COP1: variants seen among roughly 807,000 people sequenced by gnomAD.
COP1 encodes E3 ubiquitin-protein ligase COP1.
A neutral mutation model predicts 101.3 loss-of-function variants in COP1; 24 were observed. That is an observed-to-expected ratio of 0.24 (90% CI 0.17 to 0.33). COP1 has a LOEUF of 0.33. COP1 is among the 10% of genes least tolerant of loss of function. The probability of loss-of-function intolerance (pLI) is 1.00; values close to 1 mark genes in which losing one functional copy is unlikely to be tolerated. For missense variants in COP1, 663 were observed against 906.2 expected, an observed-to-expected ratio of 0.73 and a Z score of 3.45; for synonymous variants, 347 against 341.9, an observed-to-expected ratio of 1.01 and a Z score of -0.17.
chr1:175,983,471 C>T (rs572141652), intron 18 of COP1, among the ~76,000 whole-genome samples: 6 of 152,294 alleles, frequency 3.9e-5, no homozygotes, highest in South Asian at 4.2e-4. Flanking sequence ...TGTGGAACTG[C>T]GAGTCCAATA....
intron 1 of COP1, among the ~76,000 whole-genome samples, chr1:176,198,404 A>G (rs967554746): frequency 6.6e-6 from 1 of 152,184 alleles, no homozygotes; most frequent in Non-Finnish European, 1.5e-5. Context: ...TCAACAAATG[A>G]TGTTATAATA....
chr1:176,008,585 A>T (rs910418841), intron 15 of COP1, among the ~76,000 whole-genome samples: 1 of 152,232 alleles, frequency 6.6e-6, no homozygotes. Flanking sequence ...CAAATATATA[A>T]GCCCTATAGC....
intron 8 of COP1, among the ~76,000 whole-genome samples, chr1:176,121,402 A>G (rs542970993): frequency 1.2e-4 from 19 of 152,322 alleles, no homozygotes; most frequent in Non-Finnish European, 2.2e-4. Flanking sequence ...GTAGTCAAAT[A>G]TATCACCCAA....
intron 11 of COP1, among the ~76,000 whole-genome samples, chr1:176,046,565 C>T (rs1217858695): frequency 1.3e-5 from 2 of 151,768 alleles, no homozygotes; most frequent in East Asian, 3.8e-4. Context: ...ACTTTTGTTC[C>T]AAGACACCTG....
intron 15 of COP1, among the ~76,000 whole-genome samples, chr1:176,014,304 T>C (rs1038524121): frequency 8.5e-5 from 13 of 152,230 alleles, no homozygotes; most frequent in Admixed American, 8.5e-4. Flanking sequence ...AAGCACTGTC[T>C]ACTCTCATCA....
At chr1:175,947,138 C>T (rs1362186119) in intron 19 of COP1, 57 bp downstream of exon 19, 1 of 1,150,566 alleles carries the variant, frequency 8.7e-7, no homozygotes, top group Non-Finnish European at 1.3e-6. Context: ...TTCTATAATC[C>T]TGTTTCAGTC....
intron 5 of COP1, among the ~76,000 whole-genome samples, chr1:176,153,016 C>A (rs1429677428): frequency 1.3e-5 from 2 of 152,078 alleles, no homozygotes; most frequent in South Asian, 2.1e-4. Flanking sequence ...CCTGAGAATG[C>A]ATGAAGATCT....
intron 18 of COP1, among the ~76,000 whole-genome samples, chr1:175,981,539 TA>T (rs1481884783): frequency 1.3e-5 from 2 of 152,140 alleles, no homozygotes; most frequent in African/African-American, 4.8e-5. Flanking sequence ...ATTAGAGGCT[TA>T]AACATAAGAC....
intron 15 of COP1, among the ~76,000 whole-genome samples, chr1:176,001,666 T>C (rs1283586773): frequency 1.3e-5 from 2 of 152,166 alleles, no homozygotes; most frequent in Admixed American, 1.3e-4. Context: ...TATCTTTTTA[T>C]ATACCGATAT....
At chr1:176,087,968 A>C (rs1680528238) in intron 9 of COP1, among the ~76,000 whole-genome samples, 1 of 152,208 alleles carries the variant, frequency 6.6e-6, no homozygotes, top group South Asian at 2.1e-4. Context: ...ACATGGATGA[A>C]GCTGGAAACC....
intron 15 of COP1, among the ~76,000 whole-genome samples, chr1:176,006,723 T>C (rs1663335763): frequency 6.6e-6 from 1 of 152,234 alleles, no homozygotes; most frequent in African/African-American, 2.4e-5. Flanking sequence ...GATCCGCTGT[T>C]AGTCTGATGG....
chr1:176,048,839 A>G (rs919773500), intron 11 of COP1, among the ~76,000 whole-genome samples: 9 of 152,346 alleles, frequency 5.9e-5, no homozygotes, highest in East Asian at 3.9e-4. Flanking sequence ...GCTTAAATAC[A>G]TTACAGGGAG....
chr1:176,011,683 G>C (rs1664702383), intron 15 of COP1, among the ~76,000 whole-genome samples: 1 of 152,102 alleles, frequency 6.6e-6, no homozygotes, highest in East Asian at 1.9e-4. Context: ...AACACACATA[G>C]ACATTTATTA....
At chr1:176,001,816 G>T (rs1290509223) in intron 15 of COP1, among the ~76,000 whole-genome samples, 1 of 151,984 alleles carries the variant, frequency 6.6e-6, no homozygotes, top group Non-Finnish European at 1.5e-5. Flanking sequence ...GTTTATCTGG[G>T]AATATCTTAA....
chr1:176,010,515 C>A (rs192354551), intron 15 of COP1, among the ~76,000 whole-genome samples: 15 of 152,304 alleles, frequency 9.8e-5, no homozygotes, highest in Non-Finnish European at 1.6e-4. Context: ...TTGTTCCACA[C>A]ATCTGAATTT....
intron 3 of COP1, among the ~76,000 whole-genome samples, chr1:176,164,545 T>C (rs186360545): frequency 6.6e-6 from 1 of 152,198 alleles, no homozygotes; most frequent in Admixed American, 6.5e-5. Context: ...TGTGCTATCT[T>C]TCAGAAAGGA....
At chr1:176,202,992 A>G (rs1021610819) in intron 1 of COP1, among the ~76,000 whole-genome samples, 1 of 152,142 alleles carries the variant, frequency 6.6e-6, no homozygotes, top group Non-Finnish European at 1.5e-5. Context: ...ACTGAATGGT[A>G]GATCTATTTA....
chr1:176,094,190 A>C (rs1191162863), intron 9 of COP1, among the ~76,000 whole-genome samples: 1 of 152,156 alleles, frequency 6.6e-6, no homozygotes, highest in African/African-American at 2.4e-5. Context: ...TCCAGTTTTT[A>C]TAGTAAACTC....
At chr1:176,126,147 G>C (rs1250547824) in intron 8 of COP1, among the ~76,000 whole-genome samples, 1 of 152,092 alleles carries the variant, frequency 6.6e-6, no homozygotes, top group Non-Finnish European at 1.5e-5. Context: ...CCAAATATAA[G>C]ATCACATCAT....
Sources: allele counts gnomAD v4.1 joint callset (sites outside exome capture counted in the v4.1 genomes callset), GRCh38; gene constraint gnomAD v4.1.1; transcripts MANE v1.5; gene names NCBI Gene and HGNC (gene_info 2026-07-23, HGNC 2026-07-21).